The following PHF14 variants were observed in gnomAD, a reference collection of about 807,000 sequenced individuals.
PHF14 encodes PHD finger protein 14.
Under a neutral mutation model 117.9 loss-of-function variants are expected in PHF14, and 55 were observed. That is an observed-to-expected ratio of 0.47 (90% CI 0.38 to 0.58). The LOEUF is 0.58. Among genes scored for constraint, PHF14 ranks in the 20% least tolerant of loss-of-function variants. PHF14 has a pLI of 0.00. For synonymous variants in PHF14, 409 were observed against 368.6 expected, an observed-to-expected ratio of 1.11 and a Z score of -1.26; for missense variants, 978 against 1,122.2, an observed-to-expected ratio of 0.87 and a Z score of 1.84.
intron 6 of PHF14, among the ~76,000 whole-genome samples, chr7:11,023,553 C>T (rs571600792): frequency 2.8e-4 from 43 of 152,250 alleles, no homozygotes; most frequent in African/African-American, 9.9e-4. Context: ...CCAATTAGGG[C>T]TGGGTGCTCA....
At chr7:11,117,987 A>G (rs1490438986) in intron 17 of PHF14, among the ~76,000 whole-genome samples, 1 of 151,880 alleles carries the variant, frequency 6.6e-6, no homozygotes, top group Non-Finnish European at 1.5e-5. Context: ...CATCATTTTT[A>G]GGTAAGATGT....
intron 16 of PHF14, chr7:11,102,376 A>G (rs1787123311): frequency 7.0e-6 from 8 of 1,135,110 alleles, no homozygotes; most frequent in Non-Finnish European, 1.0e-5. Flanking sequence ...GGACCAGATC[A>G]TATGTTATTT....
intron 8 of PHF14, 90 bp from the exon 9 acceptor site, chr7:11,036,328 G>C: frequency 1.8e-6 from 2 of 1,105,206 alleles, no homozygotes; most frequent in Non-Finnish European, 2.6e-6. Context: ...TTATCTTTCT[G>C]TGAACATGGG....
At chr7:11,031,348 C>T (rs1441192436) in intron 7 of PHF14, among the ~76,000 whole-genome samples, 4 of 151,956 alleles carry the variant, frequency 2.6e-5, no homozygotes, top group Non-Finnish European at 5.9e-5. Flanking sequence ...TTTTCATCTA[C>T]TTTGTGAATA....
chr7:11,147,030 A>G (rs1788566753), intron 17 of PHF14, among the ~76,000 whole-genome samples: 1 of 152,024 alleles, frequency 6.6e-6, no homozygotes, highest in Non-Finnish European at 1.5e-5. Flanking sequence ...ATTTTTTAGT[A>G]GAGACTGGAT....
chr7:11,021,695 A>T (rs186776129), intron 5 of PHF14, among the ~76,000 whole-genome samples: 9 of 152,170 alleles, frequency 5.9e-5, no homozygotes, highest in Non-Finnish European at 1.2e-4. Flanking sequence ...CTTGTTGAAG[A>T]TGTGTATCTT....
At chr7:11,103,237 A>G (rs1432101923) in intron 16 of PHF14, 5 of 910,226 alleles carry the variant, frequency 5.5e-6, no homozygotes, top group Admixed American at 1.2e-4. Context: ...AAGCTCATGA[A>G]TAAAGATATA....
At chr7:11,165,832 G>C (rs563338767) in intron 17 of PHF14, among the ~76,000 whole-genome samples, 2 of 152,240 alleles carry the variant, frequency 1.3e-5, no homozygotes, top group African/African-American at 4.8e-5. Flanking sequence ...GCAAAATCTT[G>C]CAAGTTTTAT....
At chr7:11,148,704 A>T (rs536332927) in intron 17 of PHF14, among the ~76,000 whole-genome samples, 1 of 152,062 alleles carries the variant, frequency 6.6e-6, no homozygotes, top group African/African-American at 2.4e-5. Context: ...CATAATAGAC[A>T]CACATTTGTA....
intron 12 of PHF14, 68 bp from the exon 13 acceptor site, chr7:11,042,615 T>C: frequency 9.3e-7 from 1 of 1,077,282 alleles, no homozygotes; most frequent in Non-Finnish European, 1.3e-6. Context: ...TTGAAAAATA[T>C]GCTATAAGTA....
At chr7:11,057,987 A>G (rs1442977807) in intron 14 of PHF14, among the ~76,000 whole-genome samples, 4 of 152,212 alleles carry the variant, frequency 2.6e-5, no homozygotes, top group African/African-American at 9.6e-5. Context: ...TCAGTTTGGA[A>G]TTGCACCCTT....
intron 16 of PHF14, among the ~76,000 whole-genome samples, chr7:11,095,631 TA>T (rs1385772546): frequency 6.6e-6 from 1 of 152,200 alleles, no homozygotes; most frequent in Non-Finnish European, 1.5e-5. Flanking sequence ...ATGTAGAGAA[TA>T]AATGTTTTTT....
At chr7:11,060,142 G>T (rs1198825223) in intron 14 of PHF14, among the ~76,000 whole-genome samples, 2 of 152,176 alleles carry the variant, frequency 1.3e-5, no homozygotes, top group Non-Finnish European at 2.9e-5. Context: ...CTCTCAAAGT[G>T]TTGAGATTAT....
At chr7:11,106,073 A>T in intron 16 of PHF14, 1 of 983,224 alleles carries the variant, frequency 1.0e-6, no homozygotes, top group Non-Finnish European at 1.2e-6. Context: ...TTCTTCTCTC[A>T]TGCTGTGAAG....
intron 17 of PHF14, among the ~76,000 whole-genome samples, chr7:11,120,218 A>G (rs1787711878): frequency 6.6e-6 from 1 of 151,920 alleles, no homozygotes; most frequent in South Asian, 2.1e-4. Context: ...CTCAGGTCTT[A>G]ACTATTTATA....
chr7:10,974,384 G>T, intron 1 of PHF14, 60 bp downstream of exon 1: 3 of 1,440,608 alleles, frequency 2.1e-6, no homozygotes, highest in Non-Finnish European at 1.9e-6. Context: ...AGAAGTCAGG[G>T]CCGGTGGGAG....
intron 17 of PHF14, among the ~76,000 whole-genome samples, chr7:11,118,494 C>G (rs1474044451): frequency 6.6e-6 from 1 of 151,630 alleles, no homozygotes; most frequent in Non-Finnish European, 1.5e-5. Context: ...GCTTAACAAT[C>G]CCACTAATTA....
intron 4 of PHF14, among the ~76,000 whole-genome samples, chr7:11,013,111 A>G (rs1282653288): frequency 6.6e-6 from 1 of 152,160 alleles, no homozygotes; most frequent in African/African-American, 2.4e-5. Flanking sequence ...GTGTTTGCCA[A>G]CCAATAATTA....
At chr7:11,138,041 C>CTTTTT (rs34783802) in intron 17 of PHF14, among the ~76,000 whole-genome samples, 5 of 145,560 alleles carry the variant, frequency 3.4e-5, no homozygotes, top group African/African-American at 1.3e-4. Context: ...AAAAATACTT[C>CTTTTT]TTTTTTTTTT....
Sources: allele counts gnomAD v4.1 joint callset (sites outside exome capture counted in the v4.1 genomes callset), GRCh38; gene constraint gnomAD v4.1.1; transcripts MANE v1.5; gene names NCBI Gene and HGNC (gene_info 2026-07-23, HGNC 2026-07-21).